Variants in RGS3 observed in about 807,000 individuals in gnomAD.
RGS3 encodes regulator of G-protein signalling 3.
A neutral mutation model predicts 132.6 loss-of-function variants in RGS3; 80 were observed. The ratio of observed to expected loss-of-function variants is 0.60; its 90% CI spans 0.50 to 0.73. RGS3 has a LOEUF of 0.73. Among genes scored for constraint, RGS3 ranks in the 30% least tolerant of loss-of-function variants. RGS3 has a pLI of 0.00. For synonymous variants in RGS3, 598 were observed against 620.6 expected (o/e 0.96, Z 0.54); for missense variants, 1,382 against 1,530.8 (o/e 0.90, Z 1.62).
chr9:113,558,485 A>C (rs1833658544), intron 19 of RGS3, among the ~76,000 whole-genome samples: 1 of 152,174 alleles, frequency 6.6e-6, no homozygotes, highest in Non-Finnish European at 1.5e-5. Flanking sequence ...CCTGGGCAAC[A>C]AGAGTGAAAC....
chr9:113,485,779 T>C (rs1830314073), intron 7 of RGS3, 86 bp downstream of exon 5: 1 of 937,348 alleles, frequency 1.1e-6, no homozygotes, highest in Admixed American at 2.2e-5. Context: ...AGGGGTTCGA[T>C]TAGTGCTTTC....
rs561001967 is a variant in RGS3, at chr9:113,537,899, C to T, written c.2037+981C>T. ...TGGACAGCAGCTCCCCAGCTATTCCCGAAAGGAGTGAGGATCTGAGAATTA... is the reference window on the plus strand; with the variant it reads ...TGGACAGCAGCTCCCCAGCTATTCCTGAAAGGAGTGAGGATCTGAGAATTA... On this transcript the variant is annotated intron_variant, in intron 19 of 24. Transcript: ENST00000350696. The surrounding 1 kb of genome is among the most constrained non-coding windows in gnomAD (Gnocchi z 4.3). Among the ~76,000 whole-genome samples the T allele has an allele frequency of 4.4e-4, 67 of 152,246 alleles. No individual in the cohort carries two copies. In the South Asian group the frequency reaches 0.012, roughly 28 times the overall value.
chr9:113,585,693 G>T (rs1490641129), intron 20 of RGS3, among the ~76,000 whole-genome samples: 1 of 152,248 alleles, frequency 6.6e-6, no homozygotes, highest in Non-Finnish European at 1.5e-5. Flanking sequence ...AAGGGCAGAT[G>T]CCTGGCACAG....
intron 16 of RGS3, among the ~76,000 whole-genome samples, chr9:113,521,853 ACG>A (rs781000857): frequency 5.3e-5 from 8 of 152,326 alleles, no homozygotes; most frequent in Non-Finnish European, 7.3e-5. Flanking sequence ...ACACACACTC[ACG>A]GTACCCTTCA....
chr9:113,464,841 C>T (rs932688896), intron 3 of RGS3, among the ~76,000 whole-genome samples: 2 of 152,168 alleles, frequency 1.3e-5, no homozygotes, highest in Non-Finnish European at 2.9e-5. Flanking sequence ...GAGTTTGGTC[C>T]CTCCCTGGGG....
At chr9:113,541,541 TC>T in intron 19 of RGS3, 1 of 1,496,514 alleles carries the variant, frequency 6.7e-7, no homozygotes, top group Non-Finnish European at 8.9e-7. Context: ...AGATGGTGGG[TC>T]TAGGGTCATC....
chr9:113,498,276 G>C (rs557287520), intron 10 of RGS3, among the ~76,000 whole-genome samples, 196 bp downstream of exon 8: 1 of 152,180 alleles, frequency 6.6e-6, no homozygotes, highest in Admixed American at 6.5e-5. Flanking sequence ...ATCCATGATC[G>C]TGGCAGGGGT....
intron 10 of RGS3, 92 bp from the exon 9 acceptor site, chr9:113,505,350 T>C: frequency 9.1e-7 from 1 of 1,102,836 alleles, no homozygotes; most frequent in African/African-American, 1.5e-5. Context: ...GGAGGGTGGC[T>C]CTTGGCAGGG....
upstream of RGS3, among the ~76,000 whole-genome samples, chr9:113,456,384 C>T (rs982897520): frequency 7.2e-5 from 11 of 152,328 alleles, no homozygotes; most frequent in African/African-American, 2.4e-4. Context: ...TTGAACTCAT[C>T]CATTCTCCCC....
exon 20 of RGS3, chr9:113,583,668 C>T (rs376287257): frequency 1.9e-6 from 3 of 1,613,924 alleles, no homozygotes; most frequent in Non-Finnish European, 2.5e-6. Context: ...CTGAAGGATC[C>T]CCTCCAGGCC....
chr9:113,546,066 A>G (rs1364711055), intron 19 of RGS3, among the ~76,000 whole-genome samples: 1 of 152,218 alleles, frequency 6.6e-6, no homozygotes, highest in Non-Finnish European at 1.5e-5. Context: ...GTGGGAGGCC[A>G]CTGTCTTCAG....
intron 19 of RGS3, among the ~76,000 whole-genome samples, chr9:113,553,455 AAAAAAT>A (rs1272717939): frequency 2.1e-5 from 2 of 96,808 alleles, no homozygotes; most frequent in African/African-American, 8.4e-5. Flanking sequence ...AAAAAAAAAA[AAAAAAT>A]ATATATATAT....
intron 17 of RGS3, among the ~76,000 whole-genome samples, chr9:113,525,497 G>A (rs1463037164): frequency 6.6e-6 from 1 of 152,240 alleles, no homozygotes; most frequent in African/African-American, 2.4e-5. Flanking sequence ...AGGCTTTTAA[G>A]GGATGCATTT....
In RGS3 at chr9:113,447,323, GTATATGTATA is replaced by G. The variant is rs1469162223; in HGVS notation, c.-13+2402_-13+2411del. ...TGTAAACCAATAAATTCTGATGTAT[GTATATGTATA>G]TATATATATATATATATATATATAT... On this transcript the variant is annotated intron_variant, in intron 1 of 25. Transcript: ENST00000374140. Among the ~76,000 whole-genome samples the G allele has an allele frequency of 4.8e-3, 140 of 29,414 alleles. 9 individuals are homozygous for G. The highest frequency in any genetic ancestry group is 0.023 in the South Asian group (7 of 302). 19.3% of individuals were successfully genotyped at this position (29,414 alleles called of 152,430 possible).
intron 5 of RGS3, among the ~76,000 whole-genome samples, chr9:113,483,870 T>C (rs1353939033): frequency 1.3e-5 from 2 of 152,150 alleles, no homozygotes; most frequent in African/African-American, 4.8e-5. Context: ...GCAGAGATGA[T>C]AAAGTTGTAC....
chr9:113,537,360 C>T lies in RGS3; in HGVS notation c.2037+442C>T, dbSNP rs923431774. Among the ~76,000 whole-genome samples, 3 of 152,172 alleles carry T rather than the reference C, an allele frequency of 2.0e-5. No homozygotes were observed. The highest frequency in any genetic ancestry group is 4.4e-5 in the Non-Finnish European group (3 of 68,024). ...GAAGCTGTTGTATGCTGTATAGTTC[C>T]ATGTGGGCCAGAGCCAAGTAGAGCT... is the stretch of plus-strand genomic sequence containing the variant. On this transcript the variant is annotated intron_variant, in intron 19 of 24. Coordinates refer to ENST00000350696, the Ensembl canonical transcript of RGS3. The surrounding 1 kb of genome is among the most constrained non-coding windows in gnomAD (Gnocchi z 4.3).
In RGS3 at chr9:113,582,070, A is replaced by T. The variant is rs7871024; in HGVS notation, c.2038-1380A>T. On this transcript the variant is annotated intron_variant, in intron 19 of 24. Coordinates refer to ENST00000350696, the Ensembl canonical transcript of RGS3. ...CACATCCGCTCACATCTGTGCTCCC[A>T]GATGCCAGCGTGACCCCTGACACGT... 2,764 of 985,372 alleles carry T rather than the reference A, an allele frequency of 2.8e-3. 43 individuals are homozygous for T. The African/African-American group carries it at 0.04, about 14-fold the overall frequency. 61.0% of individuals were successfully genotyped at this position (985,372 alleles called of 1,614,324 possible). A position where few individuals can be genotyped will look rare whatever the true frequency, so the allele number is the denominator to read the frequency against.
At chr9:113,505,521 C>T in exon 11 of RGS3, 1 of 1,613,924 alleles carries the variant, frequency 6.2e-7, no homozygotes, top group Middle Eastern at 1.6e-4. Flanking sequence ...GCCGTGGATT[C>T]CGGTAAGTTA....
In RGS3 at chr9:113,514,449, G is replaced by A. The variant is rs1831553433; in HGVS notation, c.1478-9G>A. 2.5e-6 allele frequency: 4 copies of A among 1,610,858 alleles called. No homozygotes were observed. In the South Asian group the frequency reaches 4.4e-5, roughly 18 times the overall value. On this transcript the variant is annotated splice_polypyrimidine_tract_variant and intron_variant, in intron 14 of 24. Transcript: ENST00000350696. ...AAATGTCTCATAGTCCCCCATCTCT[G>A]TTTCACAGAATCAGGGAGTCCCAGT...
Sources: allele counts gnomAD v4.1 joint callset (sites outside exome capture counted in the v4.1 genomes callset), GRCh38; gene constraint gnomAD v4.1.1; non-coding constraint Gnocchi (gnomAD v3.1); transcripts MANE v1.5; gene names NCBI Gene and HGNC (gene_info 2026-07-23, HGNC 2026-07-21).